ABCB5: variants seen among roughly 807,000 people sequenced by gnomAD.
The protein encoded by ABCB5 is ATP binding cassette subfamily B member 5.
ABCB5 carries 155 observed loss-of-function variants against 144.2 expected under a neutral mutation model. The observed-to-expected ratio is 1.08, with a 90% CI of 0.94 to 1.23. The LOEUF (loss-of-function observed/expected upper bound fraction) is 1.23. Ranked by LOEUF, ABCB5 falls within the 50% of genes most tolerant of loss-of-function variation. The pLI is 0.00. For missense variants in ABCB5, 1,830 were observed against 1,520.8 expected (o/e 1.20, Z -3.38); for synonymous variants, 610 against 528.6 (o/e 1.15, Z -2.11).
chr7:20,723,277 TTATGATATGTTAACTA>T, intron 21 of ABCB5, 58 bp downstream of exon 21: 1 of 1,509,034 alleles, frequency 6.6e-7, no homozygotes, highest in Non-Finnish European at 9.1e-7. Context: ...AGTCAGAACT[TTATGATATGTTAACTA>T]TATGATGTGT....
intron 14 of ABCB5, chr7:20,659,142 C>G (rs1373099178): frequency 1.9e-6 from 3 of 1,613,806 alleles, no homozygotes; most frequent in Non-Finnish European, 1.7e-6. Flanking sequence ...CGCCCTTCGA[C>G]AGCTCTGGCC....
At chr7:20,642,740 A>G (rs1200984825) in intron 5 of ABCB5, among the ~76,000 whole-genome samples, 1 of 152,212 alleles carries the variant, frequency 6.6e-6, no homozygotes, top group African/African-American at 2.4e-5. Context: ...CCAGTTATAT[A>G]GATGAATCTT....
intron 5 of ABCB5, among the ~76,000 whole-genome samples, chr7:20,638,758 C>T (rs1355573914): frequency 1.3e-5 from 2 of 152,114 alleles, no homozygotes; most frequent in Non-Finnish European, 2.9e-5. Context: ...ATCTCTTCAC[C>T]AGCTGATGGA....
At position 20,685,719 on chromosome 7, in the gene ABCB5, G is replaced by C; in HGVS notation, c.1893G>C (p.Gln631His). The stretch of plus-strand genomic sequence containing the variant: ...AGGATATTAAAAAAGCTGATGAACA[G>C]ATGGAGTCAATGACATATTCTACTG... ...MSQDIKKADEQMESMTYSTER... is the reference protein window; with the variant it reads ...MSQDIKKADEHMESMTYSTER... Residue 631 changes from glutamine to histidine, a missense_variant, in exon 16 of 28, where the codon CAG (glutamine) becomes CAC (histidine). Physicochemically the swap from Gln to His is conservative, Grantham distance 24. Transcript: ENST00000404938. The C allele has an allele frequency of 6.2e-7, 1 of 1,611,312 alleles. No individual in the cohort carries two copies. Among genetic ancestry groups the C allele is most frequent in the Non-Finnish European group, 8.5e-7 (1 of 1,178,368 alleles).
chr7:20,638,470 AAC>A (rs1784212394), intron 5 of ABCB5, among the ~76,000 whole-genome samples: 2 of 152,188 alleles, frequency 1.3e-5, no homozygotes, highest in African/African-American at 4.8e-5. Flanking sequence ...ATATTTTTAG[AAC>A]ACTTTTATCC....
chr7:20,627,089 T>C (rs1024191436), intron 3 of ABCB5, among the ~76,000 whole-genome samples: 1 of 152,222 alleles, frequency 6.6e-6, no homozygotes. Flanking sequence ...TATCAGATAA[T>C]GTGTCTGTAC....
In ABCB5 at chr7:20,658,566, A is replaced by G. The variant is rs756697773; in HGVS notation, c.1597A>G (p.Ile533Val). 1 of 1,614,196 alleles carries G rather than the reference A, an allele frequency of 6.2e-7. No homozygotes were observed. The highest frequency in any genetic ancestry group is 1.7e-5 in the Admixed American group (1 of 60,022). The change falls in exon 14 of 28, where the codon ATC (isoleucine) becomes GTC (valine). Residue 533 changes from isoleucine (I) to valine (V), a missense_variant. Transcript: ENST00000404938. The part of the protein sequence containing the change: ...AQMSGGQKQR[I>V]AIARALVRNP... ...AATGAGTGGAGGGCAGAAACAGAGG[A>G]TCGCAATTGCTCGTGCCTTAGTTCG... is the stretch of plus-strand genomic sequence containing the variant.
chr7:20,666,688 T>C, intron 14 of ABCB5: 1 of 1,544,416 alleles, frequency 6.5e-7, no homozygotes, highest in Non-Finnish European at 8.7e-7. Flanking sequence ...ATTGTTTGGC[T>C]TTTAGCTTTG....
chr7:20,722,561 A>G (rs1430355690), intron 20 of ABCB5, among the ~76,000 whole-genome samples: 1 of 152,198 alleles, frequency 6.6e-6, no homozygotes, highest in African/African-American at 2.4e-5. Context: ...ATAAAGTATA[A>G]TATTTCCTTA....
intron 23 of ABCB5, among the ~76,000 whole-genome samples, chr7:20,736,711 G>C (rs1472847882): frequency 1.3e-5 from 2 of 152,168 alleles, no homozygotes; most frequent in Non-Finnish European, 2.9e-5. Flanking sequence ...CTATGTTACG[G>C]AGTTACAGCA....
chr7:20,719,134 T>G (rs1318062644), intron 20 of ABCB5, among the ~76,000 whole-genome samples: 1 of 152,172 alleles, frequency 6.6e-6, no homozygotes, highest in Non-Finnish European at 1.5e-5. Context: ...AGATTTTAAC[T>G]TTATCTAAGC....
intron 20 of ABCB5, among the ~76,000 whole-genome samples, chr7:20,707,855 A>C (rs571888472): frequency 7.7e-6 from 1 of 130,616 alleles, no homozygotes; most frequent in Non-Finnish European, 1.6e-5. Context: ...CCAGGCTGGA[A>C]TGCAGTGGCG....
chr7:20,680,355 G>A (rs1009920356), intron 14 of ABCB5, among the ~76,000 whole-genome samples: 2 of 152,032 alleles, frequency 1.3e-5, no homozygotes, highest in East Asian at 1.9e-4. Flanking sequence ...TCAGGAGATC[G>A]AGACCATCCT....
intron 23 of ABCB5, among the ~76,000 whole-genome samples, chr7:20,732,468 C>G (rs1782251741): frequency 6.6e-6 from 1 of 152,088 alleles, no homozygotes; most frequent in African/African-American, 2.4e-5. Context: ...TGATGTTTCC[C>G]AAAAGCCAAA....
At chr7:20,663,528 T>C (rs1196091945) in intron 14 of ABCB5, among the ~76,000 whole-genome samples, 1 of 152,028 alleles carries the variant, frequency 6.6e-6, no homozygotes, top group East Asian at 1.9e-4. Context: ...ATGAGATACA[T>C]ACAATAGTCA....
At chr7:20,645,521 G>A (rs1335383633) in intron 7 of ABCB5, among the ~76,000 whole-genome samples, 1 of 152,182 alleles carries the variant, frequency 6.6e-6, no homozygotes, top group Non-Finnish European at 1.5e-5. Flanking sequence ...ACATATAATG[G>A]AGAAAAGGGC....
intron 25 of ABCB5, 27 bp from the exon 26 acceptor site, chr7:20,745,205 C>T: frequency 6.2e-7 from 1 of 1,609,012 alleles, no homozygotes; most frequent in Non-Finnish European, 8.5e-7. Flanking sequence ...GATCTTAACA[C>T]ACCATTCTCC....
In ABCB5 at chr7:20,704,763, G is replaced by C; in HGVS notation, c.2377G>C (p.Gly793Arg). 2 of 1,613,766 alleles carry C rather than the reference G, an allele frequency of 1.2e-6. No individual in the cohort carries two copies. Among genetic ancestry groups the C allele is most frequent in the Non-Finnish European group, 8.5e-7 (1 of 1,179,832 alleles). ...TGATGAAAAGGAAAACAGCACAGGA[G>C]GCTTGACAACAATATTAGCCATAGA... is the stretch of plus-strand genomic sequence containing the variant. ...WFDEKENSTG[G>R]LTTILAIDIA... The change falls in exon 20 of 28, where the codon GGC becomes CGC. Residue 793 changes from glycine (G) to arginine (R), a missense_variant. Gly to Arg is a moderately radical substitution (Grantham distance 125, BLOSUM62 -2). Transcript: ENST00000404938.
intron 5 of ABCB5, among the ~76,000 whole-genome samples, chr7:20,641,216 C>T (rs1226990354): frequency 6.6e-6 from 1 of 152,098 alleles, no homozygotes; most frequent in Non-Finnish European, 1.5e-5. Flanking sequence ...ATAAGTGATA[C>T]CCTCATCACC....
Sources: allele counts gnomAD v4.1 joint callset (sites outside exome capture counted in the v4.1 genomes callset), GRCh38; gene constraint gnomAD v4.1.1; transcripts MANE v1.5; gene names NCBI Gene and HGNC (gene_info 2026-07-23, HGNC 2026-07-21).